FARSB: variants seen among roughly 807,000 people sequenced by gnomAD.
FARSB encodes the protein phenylalanyl-tRNA synthetase subunit beta, also known as phenylalanine--tRNA ligase beta subunit.
In FARSB, 40 loss-of-function variants were observed where a neutral mutation model predicts 69.6. The ratio of observed to expected loss-of-function variants is 0.57; its 90% confidence interval spans 0.45 to 0.75. The LOEUF is 0.75. FARSB is among the 30% of genes least tolerant of loss of function. The probability of loss-of-function intolerance (pLI) is 0.00; values close to 1 mark genes in which losing one functional copy is unlikely to be tolerated. For synonymous variants in FARSB, 235 were observed against 247.2 expected (o/e 0.95, Z 0.46); for missense variants, 632 against 722.9 (o/e 0.87, Z 1.44).
intron 14 of FARSB, among the ~76,000 whole-genome samples, chr2:222,616,344 T>C (rs1574934116): frequency 6.6e-6 from 1 of 151,936 alleles, no homozygotes; most frequent in Admixed American, 6.6e-5. Context: ...GTCAGGAGAT[T>C]GAGACCATCC....
At chr2:222,580,079 C>A (rs1689928713) in intron 16 of FARSB, among the ~76,000 whole-genome samples, 1 of 151,924 alleles carries the variant, frequency 6.6e-6, no homozygotes, top group Admixed American at 6.6e-5. Context: ...GTTTTACAAA[C>A]AACATATTCA....
At chr2:222,627,205 T>C (rs1362671468) in intron 10 of FARSB, among the ~76,000 whole-genome samples, 1 of 152,200 alleles carries the variant, frequency 6.6e-6, no homozygotes, top group East Asian at 1.9e-4. Flanking sequence ...ACACTGCCAA[T>C]CTTCCAATCA....
Position 222,604,142 on chromosome 2 carries a change from C to T in FARSB, c.1463-4059G>A, listed in dbSNP as rs1035754860. 2.6e-5 allele frequency among the ~76,000 whole-genome samples: 4 copies of T among 151,354 alleles called. No homozygotes were observed. The South Asian group carries it at 8.4e-4, about 32-fold the overall frequency. On this transcript the variant is annotated intron_variant, in intron 15 of 16. Coordinates refer to ENST00000281828, the MANE Select transcript of FARSB (RefSeq NM_005687.5). ...CTGAGGCAGGAGAATGGCGTGAACC[C>T]GGGAGGCAGAGTTTGCAGTGAACCG...
intron 15 of FARSB, among the ~76,000 whole-genome samples, chr2:222,608,732 G>A (rs928005833): frequency 1.4e-4 from 22 of 152,302 alleles, no homozygotes; most frequent in African/African-American, 5.3e-4. Context: ...GATTTGAGGG[G>A]TAGAGGAAAT....
At chr2:222,581,113 G>C (rs1689958121) in intron 16 of FARSB, among the ~76,000 whole-genome samples, 1 of 152,082 alleles carries the variant, frequency 6.6e-6, no homozygotes, top group African/African-American at 2.4e-5. Flanking sequence ...AAAAGCCCAA[G>C]GTTAGGCCAC....
Position 222,639,586 on chromosome 2 carries a change from A to G in FARSB, c.449T>C (p.Ile150Thr), listed in dbSNP as rs200751930. 3 of 1,528,974 alleles carry G rather than the reference A, an allele frequency of 2.0e-6. No individual in the cohort carries two copies. The East Asian group carries it at 7.0e-5, about 35-fold the overall frequency. The allele number at this position is 1,528,974 out of a possible 1,614,324, so 94.7% of individuals were successfully genotyped here. The change falls in exon 5 of 17, where the codon ATT becomes ACT. Residue 150 changes from isoleucine to threonine, a missense_variant. By Grantham distance (89) the Ile-to-Thr change is moderately conservative (BLOSUM62 -1). Transcript: ENST00000281828. ...AGAAAATGCAACCACAAACCTGCAA[A>G]TATTCTGATGTAATTTCTCCTGAAG... The part of the protein sequence containing the change: ...IELQEKLHQN[I>T]CRKRALVAIG...
chr2:222,574,839 T>A (rs1374607268), intron 16 of FARSB, among the ~76,000 whole-genome samples: 1 of 152,240 alleles, frequency 6.6e-6, no homozygotes, highest in Non-Finnish European at 1.5e-5. Flanking sequence ...AATTAAGTGG[T>A]ACGCACATAA....
chr2:222,649,139 T>A (rs1334782779), intron 1 of FARSB, among the ~76,000 whole-genome samples: 6 of 150,174 alleles, frequency 4.0e-5, no homozygotes. Context: ...GGCAGGAGAA[T>A]TGCTTGAACC....
Position 222,642,922 on chromosome 2 carries a change from G to A in FARSB, c.198C>T (p.Asp66=), listed in dbSNP as rs201304892. 61 of 1,612,008 alleles carry A rather than the reference G, an allele frequency of 3.8e-5. No homozygotes were observed. The Middle Eastern group carries it at 5.0e-4, about 13-fold the overall frequency. ...GGAGATCATATCTATTGGCAGGGAC[G>A]TCAATTTTGTAAAGAACAACATCAG... ...GASDVVLYKI[D]VPANRYDLLC... The change falls in exon 3 of 17, where the codon GAC becomes GAT. Residue 66 remains aspartate (D), a synonymous_variant. Coordinates refer to ENST00000281828, the MANE Select transcript of FARSB (RefSeq NM_005687.5).
Position 222,570,080 on chromosome 2 carries a change from T to A in FARSB, c.*1791A>T, listed in dbSNP as rs1689688267. ...TATGAATCTTAAATTTTAGCCATTT[T>A]AATGGGTATGCAGTTTGTCATTGTG... On this transcript the variant is annotated 3_prime_UTR_variant, in exon 17 of 17. Transcript: ENST00000281828. Among the ~76,000 whole-genome samples the A allele has an allele frequency of 6.6e-6, 1 of 152,210 alleles. No homozygotes were observed. The highest frequency in any genetic ancestry group is 1.9e-4 in the East Asian group (1 of 5,200).
intron 16 of FARSB, among the ~76,000 whole-genome samples, chr2:222,595,723 GC>G (rs1429242259): frequency 6.6e-6 from 1 of 151,988 alleles, no homozygotes; most frequent in African/African-American, 2.4e-5. Flanking sequence ...CACACACAAA[GC>G]CCATACATTC....
At position 222,571,204 on chromosome 2, in the gene FARSB, CT is replaced by C; in HGVS notation, c.*666del. The stretch of plus-strand genomic sequence containing the variant: ...TGATATCAATACTTGTCCATTTTAA[CT>C]CTTACAGCAGAACAGATCTTTGTTG... On this transcript the variant is annotated 3_prime_UTR_variant, in exon 17 of 17. Coordinates refer to ENST00000281828, the MANE Select transcript of FARSB (RefSeq NM_005687.5). The C allele has an allele frequency of 6.6e-6, 1 of 152,308 alleles. No homozygotes were observed. Among genetic ancestry groups the C allele is most frequent in the East Asian group, 1.9e-4 (1 of 5,184 alleles). 9.4% of individuals were successfully genotyped at this position (152,308 alleles called of 1,614,324 possible).
intron 16 of FARSB, among the ~76,000 whole-genome samples, chr2:222,587,800 T>C (rs1690158427): frequency 1.3e-5 from 2 of 152,136 alleles, no homozygotes; most frequent in African/African-American, 2.4e-5. Context: ...CTCCCAAGAC[T>C]AAACCAGGAA....
At chr2:222,624,582 T>A in intron 11 of FARSB, 103 bp from the exon 12 acceptor site, 1 of 948,280 alleles carries the variant, frequency 1.1e-6, no homozygotes, top group Non-Finnish European at 1.6e-6. Flanking sequence ...ACCTTTCTTT[T>A]TGAGTTCTAT....
intron 15 of FARSB, among the ~76,000 whole-genome samples, chr2:222,609,600 A>C (rs370551648): frequency 6.6e-6 from 1 of 152,198 alleles, no homozygotes; most frequent in Non-Finnish European, 1.5e-5. Flanking sequence ...CAGCAACTTC[A>C]TATCTAGAGT....
chr2:222,633,551 A>T (rs1416048167), intron 6 of FARSB, among the ~76,000 whole-genome samples: 1 of 151,622 alleles, frequency 6.6e-6, no homozygotes, highest in African/African-American at 2.4e-5. Flanking sequence ...GCGTGGTGGC[A>T]CATGCCTGTA....
At chr2:222,601,586 C>T (rs1388610947) in intron 15 of FARSB, among the ~76,000 whole-genome samples, 1 of 152,116 alleles carries the variant, frequency 6.6e-6, no homozygotes, top group Non-Finnish European at 1.5e-5. Context: ...TTATTTACTT[C>T]CCAGTTTTTC....
chr2:222,633,220 A>G lies in FARSB; in HGVS notation c.694T>C (p.Ser232Pro). 4 of 1,545,922 alleles carry G rather than the reference A, an allele frequency of 2.6e-6. No individual in the cohort carries two copies. The highest frequency in any genetic ancestry group is 3.6e-6 in the Non-Finnish European group (4 of 1,118,670). ...TCACCATTGATGATGGGAGGCATTGAAAGGACGACACCATTGCTATCATAG... is the reference window on the plus strand; with the variant it reads ...TCACCATTGATGATGGGAGGCATTGGAAGGACGACACCATTGCTATCATAG... Reference protein sequence around the residue: ...VIYDSNGVVLSMPPIINGDHS... With the variant: ...VIYDSNGVVLPMPPIINGDHS... Residue 232 changes from serine (S) to proline (P), a missense_variant, in exon 7 of 17, where the codon TCA becomes CCA. Coordinates refer to ENST00000281828, the MANE Select transcript of FARSB (RefSeq NM_005687.5).
chr2:222,604,722 A>ATTTTTTTTTTTTTTTTTTTTTT (rs56201038), intron 15 of FARSB, among the ~76,000 whole-genome samples: 7 of 110,716 alleles, frequency 6.3e-5, no homozygotes, highest in Non-Finnish European at 7.0e-5. Context: ...TGCCCACTGA[A>ATTTTTTTTTTTTTTTTTTTTTT]TTTTTTTTTT....
Sources: allele counts gnomAD v4.1 joint callset (sites outside exome capture counted in the v4.1 genomes callset), GRCh38; gene constraint gnomAD v4.1.1; transcripts MANE v1.5; gene names NCBI Gene and HGNC (gene_info 2026-07-23, HGNC 2026-07-21).